MLLT3: variants seen among roughly 807,000 people sequenced by gnomAD.
MLLT3 encodes MLLT3 super elongation complex subunit, also known as protein AF-9.
A neutral mutation model predicts 53.2 loss-of-function variants in MLLT3; 4 were observed. The ratio of observed to expected loss-of-function variants is 0.08; its 90% confidence interval spans 0.04 to 0.17. The LOEUF (loss-of-function observed/expected upper bound fraction) is 0.17, where lower values mean the gene tolerates loss of function less well. MLLT3 is among the 10% of genes least tolerant of loss of function. MLLT3 has a pLI of 1.00. For missense variants in MLLT3, 569 were observed against 684.0 expected, an observed-to-expected ratio of 0.83 and a Z score of 1.87; for synonymous variants, 283 against 230.6, an observed-to-expected ratio of 1.23 and a Z score of -2.06.
intron 2 of MLLT3, among the ~76,000 whole-genome samples, chr9:20,609,366 T>C (rs1820644713): frequency 6.6e-6 from 1 of 152,116 alleles, no homozygotes; most frequent in Admixed American, 6.5e-5. Flanking sequence ...GTATGTTGGA[T>C]GATCAAAAAT....
intron 2 of MLLT3, among the ~76,000 whole-genome samples, chr9:20,575,135 C>G (rs940860265): frequency 6.6e-6 from 1 of 152,190 alleles, no homozygotes; most frequent in Non-Finnish European, 1.5e-5. Context: ...ACTTCCTCCA[C>G]GGAAGTCTTC....
At chr9:20,517,898 A>G (rs1286400142) in intron 2 of MLLT3, among the ~76,000 whole-genome samples, 2 of 152,198 alleles carry the variant, frequency 1.3e-5, no homozygotes, top group African/African-American at 4.8e-5. Context: ...AGCAGATGGC[A>G]AAAGAGATGA....
At chr9:20,607,208 C>A (rs1820592981) in intron 2 of MLLT3, among the ~76,000 whole-genome samples, 3 of 152,102 alleles carry the variant, frequency 2.0e-5, no homozygotes, top group Admixed American at 2.0e-4. Flanking sequence ...AACTTGGTGT[C>A]TGGGGTATTT....
In MLLT3 at chr9:20,343,865, A is replaced by C. The variant is rs1820801156; in HGVS notation, c.*2578T>G. The C allele has an allele frequency of 4.8e-6, 1 of 207,880 alleles. No individual in the cohort carries two copies. The highest frequency in any genetic ancestry group is 5.9e-5 in the Admixed American group (1 of 16,814). 12.9% of individuals were successfully genotyped at this position (207,880 alleles called of 1,614,324 possible). On this transcript the variant is annotated 3_prime_UTR_variant, in exon 11 of 11. Coordinates refer to ENST00000380338, the MANE Select transcript of MLLT3 (RefSeq NM_004529.4). Reference sequence around the variant, plus strand: ...GGTGTATATAAATGTGACAGAACTGAAGGGGTTACTTTAAGAGAGGTATTA... The same window carrying C: ...GGTGTATATAAATGTGACAGAACTGCAGGGGTTACTTTAAGAGAGGTATTA...
intron 2 of MLLT3, among the ~76,000 whole-genome samples, chr9:20,470,516 T>A (rs920544346): frequency 2.0e-5 from 3 of 152,052 alleles, no homozygotes; most frequent in African/African-American, 7.2e-5. Flanking sequence ...TGAATTAGTA[T>A]ACCTATGTCA....
intron 2 of MLLT3, among the ~76,000 whole-genome samples, chr9:20,585,845 CCTTT>C (rs1165149800): frequency 6.6e-6 from 1 of 152,112 alleles, no homozygotes; most frequent in Non-Finnish European, 1.5e-5. Context: ...TATATTAAGA[CCTTT>C]CTAATACAGT....
intron 5 of MLLT3, among the ~76,000 whole-genome samples, chr9:20,376,004 G>C (rs1327320489): frequency 2.6e-5 from 4 of 152,010 alleles, no homozygotes; most frequent in Non-Finnish European, 4.4e-5. Context: ...AGCACATCAG[G>C]CAACACAGTA....
At chr9:20,423,430 G>A (rs554027408) in intron 4 of MLLT3, among the ~76,000 whole-genome samples, 75 of 152,122 alleles carry the variant, frequency 4.9e-4, no homozygotes, top group African/African-American at 1.7e-3. Flanking sequence ...TTATTTTTTG[G>A]CAGGTGATTA....
chr9:20,408,755 A>G (rs1450260055), intron 5 of MLLT3, among the ~76,000 whole-genome samples: 2 of 152,228 alleles, frequency 1.3e-5, no homozygotes, highest in Non-Finnish European at 2.9e-5. Context: ...CCATCACATA[A>G]AAACCTAAGG....
chr9:20,606,277 T>C (rs559739305), intron 2 of MLLT3, among the ~76,000 whole-genome samples: 7 of 151,962 alleles, frequency 4.6e-5, no homozygotes, highest in Non-Finnish European at 1.0e-4. Flanking sequence ...ATAGGACTGG[T>C]TATTCAAGTC....
intron 2 of MLLT3, among the ~76,000 whole-genome samples, chr9:20,509,228 C>A (rs912333908): frequency 2.0e-5 from 3 of 152,144 alleles, no homozygotes; most frequent in Non-Finnish European, 4.4e-5. Context: ...GCACAAATCA[C>A]TGAAGTCTAC....
intron 2 of MLLT3, among the ~76,000 whole-genome samples, chr9:20,462,291 T>C (rs1040978659): frequency 6.6e-6 from 1 of 152,206 alleles, no homozygotes; most frequent in African/African-American, 2.4e-5. Context: ...TTTAAAAAGT[T>C]TTCCCTCTTT....
At chr9:20,562,015 GCCTAA>G (rs2131153236) in intron 2 of MLLT3, among the ~76,000 whole-genome samples, 1 of 152,128 alleles carries the variant, frequency 6.6e-6, no homozygotes, top group East Asian at 1.9e-4. Context: ...AGAATCCTAA[GCCTAA>G]CCTCAGACAC....
rs768035983 is a variant in MLLT3 at position 20,494,836 on chromosome 9, G to GA, written c.194-38051dup. Among the ~76,000 whole-genome samples the GA allele has an allele frequency of 2.6e-5, 4 of 152,120 alleles. No individual in the cohort carries two copies. The Middle Eastern group carries it at 0.01, about 388-fold the overall frequency. On this transcript the variant is annotated intron_variant, in intron 2 of 10. Coordinates refer to ENST00000380338, the MANE Select transcript of MLLT3 (RefSeq NM_004529.4). ...ATTTAATTTCATATATATTAAAACT[G>GA]AAAAAACAACTGTTTTATTAATTTT...
chr9:20,596,971 A>C (rs761963305), intron 2 of MLLT3, among the ~76,000 whole-genome samples: 17 of 152,078 alleles, frequency 1.1e-4, no homozygotes, highest in Admixed American at 3.9e-4. Context: ...TCTTTCAACA[A>C]TGTTTTGTAG....
intron 5 of MLLT3, among the ~76,000 whole-genome samples, chr9:20,385,301 C>T (rs1323750539): frequency 1.3e-5 from 2 of 152,004 alleles, no homozygotes; most frequent in African/African-American, 4.8e-5. Context: ...AGAGAAGGGG[C>T]TACGGAAAGA....
chr9:20,559,728 T>C (rs10964603), intron 2 of MLLT3, among the ~76,000 whole-genome samples: 28,420 of 152,126 alleles, frequency 0.19, 2,973 homozygotes, highest in Middle Eastern at 0.24. Context: ...CTGTCAAATG[T>C]TGTGTACCTG....
chr9:20,541,876 T>C (rs1300542984), intron 2 of MLLT3, among the ~76,000 whole-genome samples: 1 of 152,168 alleles, frequency 6.6e-6, no homozygotes. Flanking sequence ...TGCAGTCATT[T>C]CCTCCACTGA....
At position 20,620,787 on chromosome 9, in the gene MLLT3, C is replaced by T. The variant is rs1820980469; in HGVS notation, c.60G>A (p.Arg20=). 6.2e-7 allele frequency: 1 copy of T among 1,614,106 alleles called. No individual in the cohort carries two copies. Among genetic ancestry groups the T allele is most frequent in the Non-Finnish European group, 8.5e-7 (1 of 1,180,002 alleles). ...TGAAGCCCTCCACGGTGGGTTTTTTCCTCACCTGGGCGCGGTGCCCCAGCT... is the reference window on the plus strand; with the variant it reads ...TGAAGCCCTCCACGGTGGGTTTTTTTCTCACCTGGGCGCGGTGCCCCAGCT... ...KLELGHRAQV[R]KKPTVEGFTH... is the part of the protein sequence containing the mutation. The change falls in exon 2 of 11, where the codon AGG becomes AGA. Residue 20 remains arginine (R), a synonymous_variant. Transcript: ENST00000380338. The surrounding 1 kb of genome is among the most constrained non-coding windows in gnomAD (Gnocchi z 6.1).
Sources: allele counts gnomAD v4.1 joint callset (sites outside exome capture counted in the v4.1 genomes callset), GRCh38; gene constraint gnomAD v4.1.1; non-coding constraint Gnocchi (gnomAD v3.1); transcripts MANE v1.5; gene names NCBI Gene and HGNC (gene_info 2026-07-23, HGNC 2026-07-21).